The following CES1 variants were observed in gnomAD, a reference collection of about 807,000 sequenced individuals.
The protein encoded by CES1 is carboxylesterase 1.
CES1 carries 50 observed loss-of-function variants against 53.0 expected under a neutral mutation model. The observed-to-expected ratio is 0.94, with a 90% CI of 0.75 to 1.19. The LOEUF (loss-of-function observed/expected upper bound fraction) is 1.19, where lower values mean the gene tolerates loss of function less well. CES1 is among the 50% of genes most tolerant of loss of function. The probability of loss-of-function intolerance (pLI) is 0.00; values close to 1 mark genes in which losing one functional copy is unlikely to be tolerated. For missense variants in CES1, 534 were observed against 538.0 expected (o/e 0.99, Z 0.07); for synonymous variants, 202 against 210.1 (o/e 0.96, Z 0.33).
intron 10 of CES1, 130 bp from the exon 11 acceptor site, chr16:55,810,794 G>T: frequency 7.1e-7 from 1 of 1,417,664 alleles, no homozygotes; most frequent in Non-Finnish European, 1.0e-6. Context: ...GGAAAATGAA[G>T]TGGGAAAGGT....
At chr16:55,819,720 A>C (rs2032095127) in intron 6 of CES1, 81 bp from the exon 7 acceptor site, 5 of 1,199,816 alleles carry the variant, frequency 4.2e-6, no homozygotes, top group Non-Finnish European at 6.2e-6. Context: ...ATTCTATCCC[A>C]AGCCCAACTT....
chr16:55,812,277 C>G (rs565237080), intron 9 of CES1: 1 of 155,184 alleles, frequency 6.4e-6, no homozygotes, highest in African/African-American at 2.4e-5. Flanking sequence ...GGTAACTGTG[C>G]AGGTTTGATC....
At chr16:55,809,460 C>A (rs1217081281) in intron 11 of CES1, among the ~76,000 whole-genome samples, 18 of 152,184 alleles carry the variant, frequency 1.2e-4, no homozygotes, top group African/African-American at 4.3e-4. Flanking sequence ...GCAGACTAGG[C>A]GAATGAGAGC....
chr16:55,812,885 A>G lies in CES1; in HGVS notation c.1086+18T>C, dbSNP rs780324677. On this transcript the variant is annotated intron_variant, in intron 9 of 13. Coordinates refer to ENST00000360526, the MANE Select transcript of CES1 (RefSeq NM_001025195.2). ...ATGGGGGTGGTTGAGTCCCTCCAAC[A>G]GACATGTGCCTTCTCACCATTGGAA... 1 of 1,613,904 alleles carries G rather than the reference A, an allele frequency of 6.2e-7. No homozygotes were observed. The highest frequency in any genetic ancestry group is 1.1e-5 in the South Asian group (1 of 91,076).
chr16:55,811,141 T>G, intron 9 of CES1, 131 bp from the exon 10 acceptor site: 2 of 762,450 alleles, frequency 2.6e-6, no homozygotes, highest in Non-Finnish European at 4.6e-6. Flanking sequence ...GCATGAGTCT[T>G]TACTGAAATG....
rs776616687 is a variant in CES1, at chr16:55,812,904, A to G, written c.1085T>C (p.Met362Thr). 6.2e-7 allele frequency: 1 copy of G among 1,614,148 alleles called. No individual in the cohort carries two copies. Among genetic ancestry groups the G allele is most frequent in the Non-Finnish European group, 8.5e-7 (1 of 1,180,024 alleles). ...TCCAACAGACATGTGCCTTCTCACCATTGGAATCAACCAGCCAAACTCCTG... is the reference window on the plus strand; with the variant it reads ...TCCAACAGACATGTGCCTTCTCACCGTTGGAATCAACCAGCCAAACTCCTG... ...NKQEFGWLIP[M>T]QLMSYPLSEG... The change falls in exon 9 of 14, where the codon ATG becomes ACG. Residue 362 changes from methionine (M) to threonine (T), a missense_variant and splice_region_variant. Physicochemically the swap from Met to Thr is moderately conservative, Grantham distance 81. This residue lies in a region of CES1 where 269 missense variants were observed against 206.6 expected (regional missense o/e 1.30). Transcript: ENST00000360526.
chr16:55,819,010 G>A lies in CES1; in HGVS notation c.906+525C>T, dbSNP rs115359200. 1.8e-3 allele frequency among the ~76,000 whole-genome samples: 268 copies of A among 152,376 alleles called. 3 individuals carry two copies. Among genetic ancestry groups the A allele is most frequent in the African/African-American group, 6.2e-3 (257 of 41,576 alleles). On this transcript the variant is annotated intron_variant, in intron 7 of 13. Coordinates refer to ENST00000360526, the MANE Select transcript of CES1 (RefSeq NM_001025195.2). ...AGATATGAGTGAATTGGATGAATTA[G>A]TGAACAGATAGATGGATAAGACAAT...
At chr16:55,813,127 AG>A in intron 8 of CES1, 84 bp from the exon 9 acceptor site, 1 of 1,574,300 alleles carries the variant, frequency 6.4e-7, no homozygotes, top group Non-Finnish European at 8.7e-7. Context: ...GGGTGAGACC[AG>A]TACCATAGAC....
chr16:55,821,491 C>A lies in CES1; in HGVS notation c.570G>T (p.Trp190Cys), dbSNP rs2032195422. Residue 190 changes from tryptophan to cysteine, a missense_variant, in exon 5 of 14, where the codon TGG becomes TGT. Coordinates refer to ENST00000360526, the MANE Select transcript of CES1 (RefSeq NM_001025195.2). ...STGDEHSRGN[W>C]GHLDQVAALR... is the part of the protein sequence containing the mutation. ...GGGCAGCCACCTGGTCCAGGTGACCCCAGTTCCCCCGGCTGTGTTCATCCC... is the reference window on the plus strand; with the variant it reads ...GGGCAGCCACCTGGTCCAGGTGACCACAGTTCCCCCGGCTGTGTTCATCCC... The A allele has an allele frequency of 8.7e-6, 14 of 1,614,200 alleles. No individual in the cohort carries two copies. Among genetic ancestry groups the A allele is most frequent in the Non-Finnish European group, 1.2e-5 (14 of 1,180,044 alleles).
chr16:55,816,924 C>T lies in CES1; in HGVS notation c.945G>A (p.Glu315=), dbSNP rs760410745. The change falls in exon 8 of 14, where the codon GAG becomes GAA. Residue 315 remains glutamate (E), a splice_region_variant and synonymous_variant. Coordinates refer to ENST00000360526, the MANE Select transcript of CES1 (RefSeq NM_001025195.2). ...LSLDLQGDPR[E]SQPLLGTVID... is the part of the protein sequence containing the mutation. ...TAATCCAGAAACAAAAGGTCCTTAC[C>T]TCTCTGGGGTCTCCCTGTAAGTCCA... 1.0e-4 allele frequency: 165 copies of T among 1,613,938 alleles called. 1 individual carries two copies. The Admixed American group carries it at 2.6e-3, about 26-fold the overall frequency.
intron 8 of CES1, among the ~76,000 whole-genome samples, chr16:55,814,734 T>C (rs2031855856): frequency 6.6e-6 from 1 of 152,242 alleles, no homozygotes; most frequent in African/African-American, 2.4e-5. Flanking sequence ...TTCCTAGCCT[T>C]TGAGACCCTA....
At chr16:55,830,163 C>G (rs1433937950) in intron 1 of CES1, among the ~76,000 whole-genome samples, 2 of 152,214 alleles carry the variant, frequency 1.3e-5, no homozygotes. Context: ...AGGGGAATAT[C>G]CAATCACAAT....
chr16:55,811,107 C>A (rs1299598001), intron 9 of CES1, 97 bp from the exon 10 acceptor site: 2 of 1,016,308 alleles, frequency 2.0e-6, no homozygotes, highest in Non-Finnish European at 3.1e-6. Flanking sequence ...TCTGAAAGTC[C>A]TCTAATTATG....
chr16:55,815,004 G>C (rs74019274), intron 8 of CES1, among the ~76,000 whole-genome samples: 1 of 152,242 alleles, frequency 6.6e-6, no homozygotes, highest in Non-Finnish European at 1.5e-5. Context: ...GGCAGACTAC[G>C]TGGAAGAGAC....
intron 4 of CES1, 68 bp from the exon 5 acceptor site, chr16:55,821,589 T>G (rs1464537648): frequency 3.3e-5 from 51 of 1,567,014 alleles, no homozygotes; most frequent in Non-Finnish European, 4.5e-5. Flanking sequence ...GGACCACAGA[T>G]GGGGCTAGGG....
chr16:55,809,202 A>G (rs1721475501), intron 11 of CES1, among the ~76,000 whole-genome samples: 1 of 151,896 alleles, frequency 6.6e-6, no homozygotes. Context: ...AACTCTATAT[A>G]TAGTTCAGAC....
intron 11 of CES1, among the ~76,000 whole-genome samples, chr16:55,808,961 C>G (rs2031557307): frequency 6.6e-6 from 1 of 152,000 alleles, no homozygotes; most frequent in Non-Finnish European, 1.5e-5. Context: ...TACATAGTTT[C>G]TTCTTTTTGT....
rs766537030 is a variant in CES1 at position 55,813,056 on chromosome 16, C to G, written c.946-13G>C. The G allele has an allele frequency of 1.2e-6, 2 of 1,613,814 alleles. No homozygotes were observed. Among genetic ancestry groups the G allele is most frequent in the Non-Finnish European group, 8.5e-7 (1 of 1,179,858 alleles). On this transcript the variant is annotated splice_polypyrimidine_tract_variant and intron_variant, in intron 8 of 13. Transcript: ENST00000360526. ...GAAGGGGTTGACTCTGGGGAGAGAG[C>G]AGTGCAGCACCTGTGATTCCCTCCC... is the stretch of plus-strand genomic sequence containing the variant.
chr16:55,826,322 G>A (rs754791882), intron 2 of CES1, 27 bp from the exon 3 acceptor site: 2 of 1,613,864 alleles, frequency 1.2e-6, no homozygotes, highest in South Asian at 1.1e-5. Context: ...AAGAACCCCT[G>A]AAGTTCAGCC....
Sources: gnomAD v4.1 joint callset for allele counts (sites outside exome capture counted in the v4.1 genomes callset) on GRCh38, gnomAD v4.1.1 for gene constraint, gnomAD v4.1.1 regional missense constraint, MANE v1.5 for transcripts, NCBI Gene and HGNC (gene_info 2026-07-23, HGNC 2026-07-21) for gene names.